The following SLX4IP variants were observed in gnomAD, a reference collection of about 807,000 sequenced individuals.
SLX4IP encodes the protein protein SLX4IP.
In SLX4IP, 34 loss-of-function variants were observed where a neutral mutation model predicts 32.9. The ratio of observed to expected loss-of-function variants is 1.03; its 90% confidence interval spans 0.79 to 1.38. The LOEUF is 1.38. Among genes scored for constraint, SLX4IP ranks in the 40% most tolerant of loss-of-function variants. The pLI is 0.00. For synonymous variants in SLX4IP, 172 were observed against 171.7 expected, an observed-to-expected ratio of 1.00 and a Z score of -0.01; for missense variants, 444 against 479.0, an observed-to-expected ratio of 0.93 and a Z score of 0.68.
At chr20:10,511,550 C>T (rs1217660449) in intron 2 of SLX4IP, among the ~76,000 whole-genome samples, 1 of 152,262 alleles carries the variant, frequency 6.6e-6, no homozygotes, top group South Asian at 2.1e-4. Context: ...TCCAGCTCTT[C>T]ACCAGTAACA....
At chr20:10,490,779 TGA>T (rs991963431) in intron 2 of SLX4IP, among the ~76,000 whole-genome samples, 4 of 152,174 alleles carry the variant, frequency 2.6e-5, no homozygotes, top group Non-Finnish European at 5.9e-5. Context: ...GTGGTTTATT[TGA>T]GAGTCTCTGT....
chr20:10,540,546 C>A (rs2066095415), intron 2 of SLX4IP, among the ~76,000 whole-genome samples: 1 of 152,186 alleles, frequency 6.6e-6, no homozygotes, highest in Admixed American at 6.5e-5. Context: ...GCAGCTGATA[C>A]AGACTTGTCC....
At chr20:10,554,065 A>G (rs748459587) in intron 2 of SLX4IP, among the ~76,000 whole-genome samples, 6 of 152,226 alleles carry the variant, frequency 3.9e-5, no homozygotes, top group Non-Finnish European at 7.3e-5. Context: ...ATACCCCATC[A>G]AGATACAGAA....
chr20:10,545,225 G>A (rs142687890), intron 2 of SLX4IP, among the ~76,000 whole-genome samples: 3 of 152,320 alleles, frequency 2.0e-5, no homozygotes, highest in East Asian at 3.9e-4. Context: ...AGGATGGTAA[G>A]TGTGGCCAAG....
intron 2 of SLX4IP, among the ~76,000 whole-genome samples, chr20:10,477,793 C>T (rs1226794181): frequency 6.6e-6 from 1 of 152,034 alleles, no homozygotes; most frequent in African/African-American, 2.4e-5. Context: ...GGAAACATAT[C>T]TATTTTAAGA....
chr20:10,589,798 G>A (rs996640158), intron 4 of SLX4IP, among the ~76,000 whole-genome samples: 1 of 109,508 alleles, frequency 9.1e-6, no homozygotes, highest in Non-Finnish European at 1.8e-5. Context: ...TTTGAGAAAA[G>A]ACCTAGAAGA....
chr20:10,500,516 T>G (rs1441696450), intron 2 of SLX4IP, among the ~76,000 whole-genome samples: 6 of 152,144 alleles, frequency 3.9e-5, no homozygotes, highest in Non-Finnish European at 7.3e-5. Context: ...TTTGGGAGGC[T>G]GAGGCAGGTG....
intron 1 of SLX4IP, among the ~76,000 whole-genome samples, chr20:10,440,381 C>G (rs561223927): frequency 1.3e-4 from 20 of 151,608 alleles, no homozygotes; most frequent in African/African-American, 1.9e-4. Context: ...CTTGAACCCA[C>G]GAGGCAGAGG....
chr20:10,489,338 T>C (rs977317200), intron 2 of SLX4IP, among the ~76,000 whole-genome samples: 1 of 152,172 alleles, frequency 6.6e-6, no homozygotes, highest in Admixed American at 6.5e-5. Context: ...TCACCAGTTA[T>C]CTTTCCCTAC....
chr20:10,492,521 G>A (rs77494076), intron 2 of SLX4IP, among the ~76,000 whole-genome samples: 3,296 of 152,034 alleles, frequency 0.022, 96 homozygotes, highest in African/African-American at 0.062. Flanking sequence ...ACTGTTTGTT[G>A]TTATCTTTTG....
At chr20:10,520,605 T>A (rs1435506466) in intron 2 of SLX4IP, among the ~76,000 whole-genome samples, 1 of 152,232 alleles carries the variant, frequency 6.6e-6, no homozygotes, top group African/African-American at 2.4e-5. Context: ...ATTATGAAAG[T>A]TCACACTTAT....
Position 10,597,949 on chromosome 20 carries a change from A to T in SLX4IP, c.239-726A>T, listed in dbSNP as rs934770655. ...TCTTTTAATCTCATTCTATATGAAG[A>T]TTTTGACATACTTGAATTAATTTAT... On this transcript the variant is annotated intron_variant, in intron 4 of 7. Transcript: ENST00000334534. 2.6e-5 allele frequency among the ~76,000 whole-genome samples: 4 copies of T among 152,222 alleles called. No individual in the cohort carries two copies. In the East Asian group the frequency reaches 7.7e-4, roughly 29 times the overall value.
chr20:10,612,540 G>T (rs911113772), intron 6 of SLX4IP, among the ~76,000 whole-genome samples: 1 of 152,106 alleles, frequency 6.6e-6, no homozygotes, highest in Admixed American at 6.5e-5. Context: ...AAATACTCTG[G>T]TTGGGTTACT....
chr20:10,454,431 C>T (rs185802749), intron 1 of SLX4IP, among the ~76,000 whole-genome samples: 4 of 152,124 alleles, frequency 2.6e-5, no homozygotes, highest in Admixed American at 2.6e-4. Context: ...ATTTGTATTC[C>T]CTAATGTCTC....
At chr20:10,495,667 T>C (rs1478703106) in intron 2 of SLX4IP, among the ~76,000 whole-genome samples, 4 of 152,324 alleles carry the variant, frequency 2.6e-5, no homozygotes, top group East Asian at 3.9e-4. Flanking sequence ...AACAAGTTCA[T>C]GATTATTCTA....
chr20:10,487,424 A>C (rs986845841), intron 2 of SLX4IP, among the ~76,000 whole-genome samples: 4 of 152,176 alleles, frequency 2.6e-5, no homozygotes, highest in African/African-American at 9.7e-5. Context: ...TTTGTAATGG[A>C]AAATAGTGAG....
At chr20:10,608,088 C>T (rs1042087472) in intron 6 of SLX4IP, among the ~76,000 whole-genome samples, 4 of 152,182 alleles carry the variant, frequency 2.6e-5, no homozygotes, top group Admixed American at 2.0e-4. Context: ...CATAGTGTAT[C>T]TTTGCCTGTG....
At chr20:10,516,026 A>AT (rs1832358127) in intron 2 of SLX4IP, among the ~76,000 whole-genome samples, 1 of 152,060 alleles carries the variant, frequency 6.6e-6, no homozygotes, top group Admixed American at 6.6e-5. Flanking sequence ...GAAGCTGAGA[A>AT]TACAGGCATG....
intron 2 of SLX4IP, among the ~76,000 whole-genome samples, chr20:10,504,638 A>G (rs1378653681): frequency 1.3e-5 from 2 of 152,144 alleles, no homozygotes; most frequent in Non-Finnish European, 2.9e-5. Context: ...ACAGAAGACC[A>G]TTACTAGGTC....
Sources: gnomAD v4.1 joint callset for allele counts (sites outside exome capture counted in the v4.1 genomes callset) on GRCh38, gnomAD v4.1.1 for gene constraint, MANE v1.5 for transcripts, NCBI Gene and HGNC (gene_info 2026-07-23, HGNC 2026-07-21) for gene names.